The following CTTN variants were observed in gnomAD, a reference collection of about 807,000 sequenced individuals.
The protein encoded by CTTN is src substrate cortactin.
CTTN carries 28 observed loss-of-function variants against 84.0 expected under a neutral mutation model. The observed-to-expected ratio is 0.33, with a 90% CI of 0.25 to 0.46. The LOEUF (loss-of-function observed/expected upper bound fraction) is 0.46. CTTN is among the 20% of genes least tolerant of loss of function. CTTN has a pLI of 1.00. For synonymous variants in CTTN, 301 were observed against 288.8 expected (o/e 1.04, Z -0.43); for missense variants, 641 against 723.8 (o/e 0.89, Z 1.31).
rs758368130 is a variant in CTTN at position 70,435,776 on chromosome 11, C to T, written c.*614C>T. 3 of 1,592,696 alleles carry T rather than the reference C, an allele frequency of 1.9e-6. No homozygotes were observed. The highest frequency in any genetic ancestry group is 2.5e-6 in the Non-Finnish European group (3 of 1,177,712). On this transcript the variant is annotated 3_prime_UTR_variant, in exon 18 of 18. Coordinates refer to ENST00000301843, the MANE Select transcript of CTTN (RefSeq NM_005231.4). ...TCTAGCAGAGACCCTGGTTTTTTTC[C>T]TGTGCCCACTCCGGCTTGTCCTCAT...
At chr11:70,431,445 G>T (rs1565500336) in intron 15 of CTTN, among the ~76,000 whole-genome samples, 165 bp downstream of exon 15, 1 of 152,020 alleles carries the variant, frequency 6.6e-6, no homozygotes. Flanking sequence ...CGCCTGGGGG[G>T]TGGGTGACAT....
chr11:70,409,520 C>T (rs1260480215), intron 4 of CTTN, among the ~76,000 whole-genome samples: 4 of 152,124 alleles, frequency 2.6e-5, no homozygotes, highest in Admixed American at 6.6e-5. Flanking sequence ...CTATTTTCTG[C>T]GTGTGAAATA....
Position 70,431,245 on chromosome 11 carries a change from A to G in CTTN, c.1231A>G (p.Thr411Ala). 1.2e-6 allele frequency: 2 copies of G among 1,614,082 alleles called. No individual in the cohort carries two copies. Among genetic ancestry groups the G allele is most frequent in the Non-Finnish European group, 1.7e-6 (2 of 1,180,008 alleles). Residue 411 changes from threonine (T) to alanine (A), a missense_variant, in exon 15 of 18, where the codon ACC becomes GCC. Coordinates refer to ENST00000301843, the MANE Select transcript of CTTN (RefSeq NM_005231.4). The part of the protein sequence containing the change: ...TPPVSPAPQP[T>A]EERLPSSPVY... ...CCCTGTGTCGCCCGCACCTCAGCCA[A>G]CCGAGGAGAGGCTGCCCTCGAGCCC...
intron 9 of CTTN, 164 bp downstream of exon 9, chr11:70,420,020 C>CGAGTTCCTATTTAGCAGCTG: frequency 1.6e-6 from 1 of 636,412 alleles, no homozygotes; most frequent in Non-Finnish European, 2.8e-6. Flanking sequence ...AACACAGCTG[C>CGAGTTCCTATTTAGCAGCTG]TAAATAGGAA....
chr11:70,429,816 C>T (rs926088589), intron 14 of CTTN, among the ~76,000 whole-genome samples: 2 of 151,968 alleles, frequency 1.3e-5, no homozygotes, highest in Non-Finnish European at 2.9e-5. Flanking sequence ...TCCTTGTGCT[C>T]AGCTGGATCA....
Position 70,414,662 on chromosome 11 carries a change from G to A in CTTN, c.402+10G>A. The A allele has an allele frequency of 6.2e-7, 1 of 1,603,976 alleles. No individual in the cohort carries two copies. The highest frequency in any genetic ancestry group is 1.1e-5 in the South Asian group (1 of 90,854). On this transcript the variant is annotated intron_variant, in intron 6 of 17. Coordinates refer to ENST00000301843, the MANE Select transcript of CTTN (RefSeq NM_005231.4). The stretch of plus-strand genomic sequence containing the variant: ...GGACAGAGTTGATCAGGTGAGTGAT[G>A]TGGCACTGGGACTGGGGCAGGTTGG...
At position 70,425,367 on chromosome 11, in the gene CTTN, C is replaced by T. The variant is rs760004724; in HGVS notation, c.993C>T (p.Ser331=). Residue 331 remains serine, a synonymous_variant, in exon 13 of 18, where the codon TCC becomes TCT. Coordinates refer to ENST00000301843, the MANE Select transcript of CTTN (RefSeq NM_005231.4). The part of the protein sequence containing the change: ...ASTFEDVTQV[S]SAYQKTVPVE... ...CCTTTGAGGATGTCACCCAGGTGTC[C>T]TCTGCCTACCAGAAGACAGTACCTG... The T allele has an allele frequency of 1.2e-6, 2 of 1,612,734 alleles. No homozygotes were observed. Among genetic ancestry groups the T allele is most frequent in the Non-Finnish European group, 1.7e-6 (2 of 1,179,450 alleles).
intron 14 of CTTN, among the ~76,000 whole-genome samples, chr11:70,430,603 C>A (rs1319801853): frequency 6.6e-6 from 1 of 152,192 alleles, no homozygotes; most frequent in Non-Finnish European, 1.5e-5. Flanking sequence ...CATACACAGT[C>A]CCTCCCCATG....
rs374933006 is a variant in CTTN, at chr11:70,422,960, G to A, written c.922G>A (p.Gly308Arg). ...TTCAGACTACTCCAAAGGATTCGGC[G>A]GGAAGTATGGGGTGCAGAAGGATCG... ...SQQDYSKGFG[G>R]KYGVQKDRMD... Residue 308 changes from glycine to arginine, a missense_variant, in exon 12 of 18, where the codon GGG becomes AGG. By Grantham distance (125) the Gly-to-Arg change is moderately radical. Transcript: ENST00000301843. The A allele has an allele frequency of 2.9e-5, 46 of 1,613,930 alleles. No homozygotes were observed. In the Middle Eastern group the frequency reaches 6.6e-4, roughly 23 times the overall value.
At chr11:70,428,352 G>A (rs1338334483) in intron 13 of CTTN, among the ~76,000 whole-genome samples, 1 of 151,912 alleles carries the variant, frequency 6.6e-6, no homozygotes, top group Non-Finnish European at 1.5e-5. Context: ...TTTTAGTAGA[G>A]ACAGGGTTTC....
chr11:70,423,789 A>C lies in CTTN; in HGVS notation c.957+794A>C, dbSNP rs187627839. Among the ~76,000 whole-genome samples the C allele has an allele frequency of 2.2e-3, 342 of 152,324 alleles. 3 individuals carry two copies. Among genetic ancestry groups the C allele is most frequent in the Non-Finnish European group, 3.6e-3 (248 of 68,030 alleles). ...CACAGAGCATTCTGCATGTCGTGAC[A>C]TGCGTCACACACCACAGAGCATCTG... On this transcript the variant is annotated intron_variant, in intron 12 of 17. Transcript: ENST00000301843.
At position 70,433,244 on chromosome 11, in the gene CTTN, TGAAA is replaced by T; in HGVS notation, c.1412_1415del (p.Glu471AlafsTer53). 1 of 1,612,754 alleles carries T rather than the reference TGAAA, an allele frequency of 6.2e-7. No homozygotes were observed. On this transcript the variant is annotated frameshift_variant, in exon 16 of 18. Coordinates refer to ENST00000301843, the MANE Select transcript of CTTN (RefSeq NM_005231.4). LOFTEE classifies it high-confidence loss of function. Reference sequence around the variant, plus strand: ...TGGCCTATGCCACAGAGGCTGTCTATGAAAGCGCAGAGGCCCCGGGCCACTATCC... The same window carrying T: ...TGGCCTATGCCACAGAGGCTGTCTATGCGCAGAGGCCCCGGGCCACTATCC...
At chr11:70,409,415 A>C (rs1034580218) in intron 4 of CTTN, among the ~76,000 whole-genome samples, 8 of 152,248 alleles carry the variant, frequency 5.3e-5, no homozygotes, top group Non-Finnish European at 1.2e-4. Flanking sequence ...AATCATCTGA[A>C]TGTTCAGCAC....
At position 70,435,574 on chromosome 11, in the gene CTTN, A is replaced by G; in HGVS notation, c.*412A>G. ...GCCTCAGGTCGGCCCTGTGGCGGGT[A>G]GGCAGGAAGGACTGTCCCAGACGAG... On this transcript the variant is annotated 3_prime_UTR_variant, in exon 18 of 18. Transcript: ENST00000301843. 1 of 1,561,906 alleles carries G rather than the reference A, an allele frequency of 6.4e-7. No homozygotes were observed. Among genetic ancestry groups the G allele is most frequent in the Non-Finnish European group, 8.6e-7 (1 of 1,160,750 alleles).
chr11:70,401,061 C>T (rs563825085), intron 1 of CTTN, among the ~76,000 whole-genome samples: 5 of 152,202 alleles, frequency 3.3e-5, no homozygotes, highest in Admixed American at 6.5e-5. Flanking sequence ...CTGCCAGGCT[C>T]GGTGGCTCAC....
At chr11:70,423,166 G>A (rs2058261066) in intron 12 of CTTN, among the ~76,000 whole-genome samples, 171 bp downstream of exon 12, 1 of 152,074 alleles carries the variant, frequency 6.6e-6, no homozygotes, top group South Asian at 2.1e-4. Context: ...GCTCCTCATG[G>A]CCGTGCTGTG....
chr11:70,436,371 G>A lies in CTTN; in HGVS notation c.*1209G>A, dbSNP rs2058417399. Reference sequence around the variant, plus strand: ...GGTGTGTCTTTCCAGAAGGTCACGTGGAAATGTCTCGGGACTTGGGTCCCG... The same window carrying A: ...GGTGTGTCTTTCCAGAAGGTCACGTAGAAATGTCTCGGGACTTGGGTCCCG... On this transcript the variant is annotated 3_prime_UTR_variant, in exon 18 of 18. Coordinates refer to ENST00000301843, the MANE Select transcript of CTTN (RefSeq NM_005231.4). 1.9e-6 allele frequency: 3 copies of A among 1,598,372 alleles called. No homozygotes were observed. The highest frequency in any genetic ancestry group is 8.5e-7 in the Non-Finnish European group (1 of 1,179,800).
At chr11:70,421,762 T>G in intron 11 of CTTN, 182 bp downstream of exon 11, 2 of 594,256 alleles carry the variant, frequency 3.4e-6, no homozygotes, top group South Asian at 3.9e-5. Context: ...TTTTGAGTGG[T>G]TCACTTTCTT....
At position 70,433,592 on chromosome 11, in the gene CTTN, C is replaced by G. The variant is rs779994147; in HGVS notation, c.1445-55C>G. On this transcript the variant is annotated intron_variant, in intron 16 of 17. Transcript: ENST00000301843. The stretch of plus-strand genomic sequence containing the variant: ...AAGTGTCGTCTAAAACTTGAGAAGG[C>G]TGGGAACCTGTGTGGGACTTTGTAT... 20 of 1,324,478 alleles carry G rather than the reference C, an allele frequency of 1.5e-5. No individual in the cohort carries two copies. The African/African-American group carries it at 2.8e-4, about 18-fold the overall frequency. 82.0% of individuals were successfully genotyped at this position (1,324,478 alleles called of 1,614,324 possible).
Sources: gnomAD v4.1 joint callset for allele counts (sites outside exome capture counted in the v4.1 genomes callset) on GRCh38, gnomAD v4.1.1 for gene constraint, MANE v1.5 for transcripts, NCBI Gene and HGNC (gene_info 2026-07-23, HGNC 2026-07-21) for gene names.